FEN1: variants seen among roughly 807,000 people sequenced by gnomAD.
FEN1 encodes the protein flap structure-specific endonuclease 1, also known as flap endonuclease 1.
Under a neutral mutation model 24.7 loss-of-function variants are expected in FEN1, and 19 were observed. The ratio of observed to expected loss-of-function variants is 0.77; its 90% confidence interval spans 0.54 to 1.13. The LOEUF is 1.13. Ranked by LOEUF, FEN1 falls within the 50% of genes most tolerant of loss-of-function variation. FEN1 has a pLI of 0.00. For missense variants in FEN1, 339 were observed against 488.7 expected, an observed-to-expected ratio of 0.69 and a Z score of 2.89; for synonymous variants, 155 against 189.2, an observed-to-expected ratio of 0.82 and a Z score of 1.48.
chr11:61,795,257 T>C lies in FEN1; in HGVS notation c.-21-84T>C, dbSNP rs1442004734. 1 of 1,155,336 alleles carries C rather than the reference T, an allele frequency of 8.7e-7. No homozygotes were observed. Among genetic ancestry groups the C allele is most frequent in the Non-Finnish European group, 1.2e-6 (1 of 823,432 alleles). The allele number at this position is 1,155,336 out of a possible 1,614,324, so 71.6% of individuals were successfully genotyped here. ...GGTGTCCTTTTTGTTGTGTGGAATT[T>C]AGTTGAAGGCATGAAGTTGGTGAGA... On this transcript the variant is annotated intron_variant, in intron 1 of 1. Transcript: ENST00000305885. The surrounding 1 kb of genome is among the most constrained non-coding windows in gnomAD (Gnocchi z 4.1).
rs1208410542 is a variant in FEN1, at chr11:61,796,505, ATG to A, written c.*5_*6del. On this transcript the variant is annotated 3_prime_UTR_variant, in exon 2 of 2. Coordinates refer to ENST00000305885, the MANE Select transcript of FEN1 (RefSeq NM_004111.6). ...AGGGAAGTTTAAAAGGGGAAAATAA[ATG>A]TGTTTCCCCATTATACCTCCTTCAC... The A allele has an allele frequency of 1.2e-6, 2 of 1,601,412 alleles. No individual in the cohort carries two copies. The highest frequency in any genetic ancestry group is 2.7e-5 in the African/African-American group (2 of 74,488).
Position 61,796,885 on chromosome 11 carries a change from ATGG to A in FEN1, c.*385_*387del, listed in dbSNP as rs756359615. ...GCCAACTGGTGGCCAGTGGGAGGTG[ATGG>A]TGGACCTAGACTGTGCTTTTCTGTC... On this transcript the variant is annotated 3_prime_UTR_variant, in exon 2 of 2. Coordinates refer to ENST00000305885, the MANE Select transcript of FEN1 (RefSeq NM_004111.6). 58 of 253,564 alleles carry A rather than the reference ATGG, an allele frequency of 2.3e-4. No individual in the cohort carries two copies. The highest frequency in any genetic ancestry group is 1.7e-3 in the Middle Eastern group (1 of 572). The allele number at this position is 253,564 out of a possible 1,614,324, so 15.7% of individuals were successfully genotyped here.
In FEN1 at chr11:61,796,541, A is replaced by AT. The variant is rs1379629667; in HGVS notation, c.*40dup. ...CATTATACCTCCTTCACCCCAGAAT[A>AT]TTTGCCGTCTTGTACCCTTAAGAGC... On this transcript the variant is annotated 3_prime_UTR_variant, in exon 2 of 2. Transcript: ENST00000305885. The AT allele has an allele frequency of 6.5e-7, 1 of 1,542,088 alleles. No homozygotes were observed. The highest frequency in any genetic ancestry group is 1.4e-5 in the African/African-American group (1 of 72,816).
chr11:61,796,258 C>T lies in FEN1; in HGVS notation c.897C>T (p.Ser299=), dbSNP rs890830240. The T allele has an allele frequency of 6.2e-6, 10 of 1,612,536 alleles. No individual in the cohort carries two copies. The highest frequency in any genetic ancestry group is 3.3e-5 in the South Asian group (3 of 91,004). Reference sequence around the variant, plus strand: ...CAGAGTCTGTGGAGCTGAAGTGGAGCGAGCCAAATGAAGAAGAGCTGATCA... The same window carrying T: ...CAGAGTCTGTGGAGCTGAAGTGGAGTGAGCCAAATGAAGAAGAGCTGATCA... ...LDPESVELKW[S]EPNEEELIKF... Residue 299 remains serine (S), a synonymous_variant, in exon 2 of 2, where the codon AGC becomes AGT. Coordinates refer to ENST00000305885, the MANE Select transcript of FEN1 (RefSeq NM_004111.6).
Position 61,793,000 on chromosome 11 carries a change from C to T in FEN1, c.-50C>T, listed in dbSNP as rs2066797991. ...GGGGCAACCCCGAACCAAGCTTTAG[C>T]CGCCGAGGCCGCGTGTCCCAAAGGC... On this transcript the variant is annotated 5_prime_UTR_variant, in exon 1 of 2. Transcript: ENST00000305885. 5.6e-6 allele frequency: 1 copy of T among 178,786 alleles called. No homozygotes were observed. 11.1% of individuals were successfully genotyped at this position (178,786 alleles called of 1,614,324 possible).
At chr11:61,794,671 C>A (rs942572399) in intron 1 of FEN1, among the ~76,000 whole-genome samples, 2 of 152,162 alleles carry the variant, frequency 1.3e-5, no homozygotes, top group Non-Finnish European at 2.9e-5. Flanking sequence ...GCATGCCAGA[C>A]CCCTAAATCA....
chr11:61,796,858 T>C lies in FEN1; in HGVS notation c.*354T>C, dbSNP rs1476978237. On this transcript the variant is annotated 3_prime_UTR_variant, in exon 2 of 2. Coordinates refer to ENST00000305885, the MANE Select transcript of FEN1 (RefSeq NM_004111.6). Reference sequence around the variant, plus strand: ...AGATGTACAGAAATGATTTCCTGGCTGGCCAACTGGTGGCCAGTGGGAGGT... The same window carrying C: ...AGATGTACAGAAATGATTTCCTGGCCGGCCAACTGGTGGCCAGTGGGAGGT... 3.8e-6 allele frequency: 1 copy of C among 260,800 alleles called. No homozygotes were observed. The highest frequency in any genetic ancestry group is 1.1e-4 in the East Asian group (1 of 9,334). The allele number at this position is 260,800 out of a possible 1,614,324, so 16.2% of individuals were successfully genotyped here.
At chr11:61,794,580 G>A (rs891526618) in intron 1 of FEN1, among the ~76,000 whole-genome samples, 6 of 152,054 alleles carry the variant, frequency 3.9e-5, no homozygotes, top group East Asian at 1.9e-4. Flanking sequence ...AGCAAAAATC[G>A]TGAGGGTGAT....
Position 61,794,246 on chromosome 11 carries a change from G to A in FEN1, c.-21-1095G>A, listed in dbSNP as rs3218836. Among the ~76,000 whole-genome samples the A allele has an allele frequency of 8.0e-4, 122 of 152,034 alleles. 1 individual carries two copies. The highest frequency in any genetic ancestry group is 1.6e-3 in the Non-Finnish European group (108 of 68,004). The stretch of plus-strand genomic sequence containing the variant: ...GGCTGGAGTGCAGCGGCACAATCTC[G>A]GCTCACTGCATTCTCTGCCTCCTGG... On this transcript the variant is annotated intron_variant, in intron 1 of 1. Transcript: ENST00000305885.
rs2066812371 is a variant in FEN1, at chr11:61,795,226, T to C, written c.-21-115T>C. 19 of 849,920 alleles carry C rather than the reference T, an allele frequency of 2.2e-5. No individual in the cohort carries two copies. The South Asian group carries it at 3.2e-4, about 14-fold the overall frequency. 52.6% of individuals were successfully genotyped at this position (849,920 alleles called of 1,614,324 possible). A position where few individuals can be genotyped will look rare whatever the true frequency, so the allele number is the denominator to read the frequency against. ...TTCATCTTTTTATCTTTAGCAGTGC[T>C]GACATGGTGTCCTTTTTGTTGTGTG... is the stretch of plus-strand genomic sequence containing the variant. On this transcript the variant is annotated intron_variant, in intron 1 of 1. Transcript: ENST00000305885. The surrounding 1 kb of genome is among the most constrained non-coding windows in gnomAD (Gnocchi z 4.1).
At position 61,795,710 on chromosome 11, in the gene FEN1, G is replaced by T. The variant is rs1284567207; in HGVS notation, c.349G>T (p.Ala117Ser). The T allele has an allele frequency of 5.0e-6, 8 of 1,613,740 alleles. No homozygotes were observed. Among genetic ancestry groups the T allele is most frequent in the Non-Finnish European group, 5.9e-6 (7 of 1,179,976 alleles). ...GAAGCAGCTGCAGCAGGCTCAGGCT[G>T]CTGGGGCCGAGCAGGAGGTGGAAAA... is the stretch of plus-strand genomic sequence containing the variant. ...AEKQLQQAQA[A>S]GAEQEVEKFT... Residue 117 changes from alanine (A) to serine (S), a missense_variant, in exon 2 of 2, where the codon GCT (alanine) becomes TCT (serine). This residue lies in a region of FEN1 where 216 missense variants were observed against 329.7 expected (regional missense o/e 0.66). Coordinates refer to ENST00000305885, the MANE Select transcript of FEN1 (RefSeq NM_004111.6). The surrounding 1 kb of genome is among the most constrained non-coding windows in gnomAD (Gnocchi z 4.1).
At chr11:61,793,492 G>A (rs895808738) in intron 1 of FEN1, among the ~76,000 whole-genome samples, 2 of 152,206 alleles carry the variant, frequency 1.3e-5, no homozygotes, top group Non-Finnish European at 1.5e-5. Context: ...AGACAGGCAT[G>A]GTAATCGTTC....
chr11:61,793,472 C>A (rs550518932), intron 1 of FEN1, among the ~76,000 whole-genome samples: 28 of 152,304 alleles, frequency 1.8e-4, no homozygotes, highest in African/African-American at 6.7e-4. Flanking sequence ...ACCCTGGCAG[C>A]AGCCCTGAGA....
In FEN1 at chr11:61,796,593, GGA is replaced by G; in HGVS notation, c.*95_*96del. 2 of 1,385,648 alleles carry G rather than the reference GGA, an allele frequency of 1.4e-6. No homozygotes were observed. Among genetic ancestry groups the G allele is most frequent in the South Asian group, 3.0e-5 (2 of 66,542 alleles). 85.8% of individuals were successfully genotyped at this position (1,385,648 alleles called of 1,614,324 possible). A position where few individuals can be genotyped will look rare whatever the true frequency, so the allele number is the denominator to read the frequency against. On this transcript the variant is annotated 3_prime_UTR_variant, in exon 2 of 2. Transcript: ENST00000305885. ...ACAGCTAGAGAAACCTTCACGGGGT[GGA>G]GAGAGGATTCTAAGGCTTTTCTAGC... is the stretch of plus-strand genomic sequence containing the variant.
At position 61,796,429 on chromosome 11, in the gene FEN1, G is replaced by A. The variant is rs1389780334; in HGVS notation, c.1068G>A (p.Lys356=). 1 of 1,613,422 alleles carries A rather than the reference G, an allele frequency of 6.2e-7. No individual in the cohort carries two copies. The highest frequency in any genetic ancestry group is 1.3e-5 in the African/African-American group (1 of 75,030). ...GCTCACTCTCTTCAGCTAAGCGCAA[G>A]GAGCCAGAACCCAAGGGATCCACTA... The part of the protein sequence containing the change: ...VTGSLSSAKR[K]EPEPKGSTKK... The change falls in exon 2 of 2, where the codon AAG becomes AAA. Residue 356 remains lysine, a synonymous_variant. Transcript: ENST00000305885.
chr11:61,796,433 C>T lies in FEN1; in HGVS notation c.1072C>T (p.Pro358Ser). 6.2e-7 allele frequency: 1 copy of T among 1,613,324 alleles called. No individual in the cohort carries two copies. The highest frequency in any genetic ancestry group is 8.5e-7 in the Non-Finnish European group (1 of 1,180,008). ...ACTCTCTTCAGCTAAGCGCAAGGAG[C>T]CAGAACCCAAGGGATCCACTAAGAA... ...GSLSSAKRKE[P>S]EPKGSTKKKA... is the part of the protein sequence containing the mutation. The change falls in exon 2 of 2, where the codon CCA (proline) becomes TCA (serine). Residue 358 changes from proline to serine, a missense_variant. By Grantham distance (74) the Pro-to-Ser change is moderately conservative (BLOSUM62 -1). Around this residue, in one of 3 missense-constraint regions of FEN1, gnomAD observed 53 missense variants for 94.1 expected, o/e 0.56. Coordinates refer to ENST00000305885, the MANE Select transcript of FEN1 (RefSeq NM_004111.6).
Position 61,796,095 on chromosome 11 carries a change from G to A in FEN1, c.734G>A (p.Arg245Gln). 1.2e-6 allele frequency: 2 copies of A among 1,614,174 alleles called. No individual in the cohort carries two copies. The highest frequency in any genetic ancestry group is 1.7e-6 in the Non-Finnish European group (2 of 1,180,042). The change falls in exon 2 of 2, where the codon CGG becomes CAG. Residue 245 changes from arginine (R) to glutamine (Q), a missense_variant. Physicochemically the swap from Arg to Gln is conservative, Grantham distance 43. This residue lies in a region of FEN1 where 216 missense variants were observed against 329.7 expected (regional missense o/e 0.66). Coordinates refer to ENST00000305885, the MANE Select transcript of FEN1 (RefSeq NM_004111.6). ...CESIRGIGPK[R>Q]AVDLIQKHKS... ...AGTATCCGGGGTATTGGGCCCAAGCGGGCTGTGGACCTCATCCAGAAGCAC... is the reference window on the plus strand; with the variant it reads ...AGTATCCGGGGTATTGGGCCCAAGCAGGCTGTGGACCTCATCCAGAAGCAC...
chr11:61,796,405 C>T lies in FEN1; in HGVS notation c.1044C>T (p.Gly348=). The T allele has an allele frequency of 6.2e-7, 1 of 1,613,662 alleles. No individual in the cohort carries two copies. The highest frequency in any genetic ancestry group is 8.5e-7 in the Non-Finnish European group (1 of 1,180,012). ...GRLDDFFKVT[G]SLSSAKRKEP... ...TGGATGATTTCTTCAAGGTGACCGG[C>T]TCACTCTCTTCAGCTAAGCGCAAGG... Residue 348 remains glycine (G), a synonymous_variant, in exon 2 of 2, where the codon GGC becomes GGT. Coordinates refer to ENST00000305885, the MANE Select transcript of FEN1 (RefSeq NM_004111.6).
At chr11:61,793,696 G>T (rs2066804117) in intron 1 of FEN1, among the ~76,000 whole-genome samples, 1 of 152,174 alleles carries the variant, frequency 6.6e-6, no homozygotes, top group Non-Finnish European at 1.5e-5. Context: ...CTGGAAGGAC[G>T]CGTGAGAGGA....
Sources: allele counts gnomAD v4.1 joint callset (sites outside exome capture counted in the v4.1 genomes callset), GRCh38; gene constraint gnomAD v4.1.1; regional missense constraint gnomAD v4.1.1; non-coding constraint Gnocchi (gnomAD v3.1); transcripts MANE v1.5; gene names NCBI Gene and HGNC (gene_info 2026-07-23, HGNC 2026-07-21).